CHODL: variants seen among roughly 807,000 people sequenced by gnomAD.
CHODL encodes the protein chondrolectin, also known as transmembrane protein MT75.
A neutral mutation model predicts 34.5 loss-of-function variants in CHODL; 29 were observed. That is an observed-to-expected ratio of 0.84 (90% confidence interval 0.63 to 1.15). CHODL has a LOEUF of 1.15. CHODL is among the 50% of genes most tolerant of loss of function. The probability of loss-of-function intolerance (pLI) is 0.00; values close to 1 mark genes in which losing one functional copy is unlikely to be tolerated. For synonymous variants in CHODL, 125 were observed against 116.1 expected, an observed-to-expected ratio of 1.08 and a Z score of -0.49; for missense variants, 332 against 332.5, an observed-to-expected ratio of 1.00 and a Z score of 0.01.
At chr21:17,959,116 A>G (rs1229335646) in intron 1 of CHODL, among the ~76,000 whole-genome samples, 2 of 152,186 alleles carry the variant, frequency 1.3e-5, no homozygotes, top group Non-Finnish European at 2.9e-5. Flanking sequence ...GAAGGTACAT[A>G]GTTCACAAAA....
chr21:18,220,933 C>G (rs1180833372), intron 2 of CHODL, among the ~76,000 whole-genome samples: 5 of 152,038 alleles, frequency 3.3e-5, no homozygotes, highest in Non-Finnish European at 5.9e-5. Context: ...ATGTCAATAT[C>G]TCTTGCAAGA....
At chr21:18,092,023 A>T (rs1360045488) in intron 2 of CHODL, among the ~76,000 whole-genome samples, 1 of 152,066 alleles carries the variant, frequency 6.6e-6, no homozygotes, top group African/African-American at 2.4e-5. Context: ...GCCCTGGGGG[A>T]AATTGCCATC....
At chr21:18,041,596 A>G (rs1050904183) in intron 2 of CHODL, among the ~76,000 whole-genome samples, 2 of 151,956 alleles carry the variant, frequency 1.3e-5, no homozygotes, top group Non-Finnish European at 2.9e-5. Context: ...TCTAAGCACA[A>G]TATATGATTA....
At chr21:18,028,627 A>T (rs2064211193) in intron 2 of CHODL, among the ~76,000 whole-genome samples, 1 of 143,654 alleles carries the variant, frequency 7.0e-6, no homozygotes, top group African/African-American at 2.6e-5. Flanking sequence ...TGAACCTGGG[A>T]GGCGGAGGTT....
intron 2 of CHODL, among the ~76,000 whole-genome samples, chr21:18,105,085 A>G (rs990764995): frequency 1.3e-5 from 2 of 152,190 alleles, no homozygotes; most frequent in African/African-American, 4.8e-5. Context: ...AAGGGTAGAT[A>G]TTTTTTCTCC....
intron 1 of CHODL, among the ~76,000 whole-genome samples, chr21:17,992,715 G>GTTTTTTTTTTTTTTTT (rs1237074983): frequency 6.3e-5 from 2 of 31,510 alleles, no homozygotes; most frequent in Non-Finnish European, 7.4e-5. Flanking sequence ...TTCTGGTGGA[G>GTTTTTTTTTTTTTTTT]TTGTTTTTTT....
chr21:18,210,921 T>C (rs1385568186), intron 2 of CHODL, among the ~76,000 whole-genome samples: 1 of 152,056 alleles, frequency 6.6e-6, no homozygotes, highest in Non-Finnish European at 1.5e-5. Flanking sequence ...GCCTTCAAAG[T>C]TTACACTGTT....
At chr21:18,075,281 T>C (rs1349433045) in intron 2 of CHODL, among the ~76,000 whole-genome samples, 1 of 152,218 alleles carries the variant, frequency 6.6e-6, no homozygotes, top group African/African-American at 2.4e-5. Flanking sequence ...TTTGCCAACC[T>C]CTGAAAATGC....
intron 2 of CHODL, among the ~76,000 whole-genome samples, chr21:18,068,863 C>T (rs1482914191): frequency 1.3e-5 from 2 of 151,626 alleles, no homozygotes; most frequent in African/African-American, 4.8e-5. Flanking sequence ...ACTTTATTCG[C>T]AAGTTAATCT....
chr21:17,934,141 T>C (rs898061462), intron 1 of CHODL, among the ~76,000 whole-genome samples: 3 of 151,650 alleles, frequency 2.0e-5, no homozygotes, highest in African/African-American at 7.3e-5. Flanking sequence ...TGTTCACTGA[T>C]TAGGTAATGG....
At chr21:18,240,557 C>T (rs990813886), upstream of CHODL, among the ~76,000 whole-genome samples, 4 of 152,058 alleles carry the variant, frequency 2.6e-5, no homozygotes, top group African/African-American at 9.7e-5. Flanking sequence ...ACCCTTGAGG[C>T]AAAGATGACT....
At chr21:17,962,457 T>A (rs112690536) in intron 1 of CHODL, among the ~76,000 whole-genome samples, 63 of 152,250 alleles carry the variant, frequency 4.1e-4, no homozygotes, top group African/African-American at 1.4e-3. Context: ...TGAAACAGAT[T>A]CTCTTGAGTT....
chr21:18,087,997 G>A (rs148055359), intron 2 of CHODL, among the ~76,000 whole-genome samples: 132 of 152,236 alleles, frequency 8.7e-4, no homozygotes, highest in Middle Eastern at 3.4e-3. Flanking sequence ...GAGGACAAGC[G>A]AAGGGGGAAG....
intron 1 of CHODL, among the ~76,000 whole-genome samples, chr21:17,962,221 C>A (rs1355749704): frequency 1.3e-5 from 2 of 152,136 alleles, no homozygotes; most frequent in Non-Finnish European, 2.9e-5. Flanking sequence ...AAGATGTAAC[C>A]TAAACTTATC....
intron 2 of CHODL, among the ~76,000 whole-genome samples, chr21:18,224,247 C>G (rs2073910450): frequency 1.3e-5 from 2 of 152,122 alleles, no homozygotes; most frequent in African/African-American, 2.4e-5. Context: ...CAGACACTTT[C>G]TGAGCCACTG....
At chr21:18,220,068 T>G (rs2073867417) in intron 2 of CHODL, among the ~76,000 whole-genome samples, 3 of 152,246 alleles carry the variant, frequency 2.0e-5, no homozygotes, top group Admixed American at 6.5e-5. Context: ...GCTTCAGGTC[T>G]TACATTTAAG....
intron 2 of CHODL, among the ~76,000 whole-genome samples, chr21:18,029,900 C>T (rs1216187056): frequency 6.6e-6 from 1 of 152,070 alleles, no homozygotes; most frequent in Non-Finnish European, 1.5e-5. Context: ...GCATTGCAGC[C>T]ACATCATCTC....
intron 1 of CHODL, among the ~76,000 whole-genome samples, chr21:18,005,811 G>A (rs157752): frequency 0.034 from 5,164 of 152,162 alleles, 267 homozygotes; most frequent in African/African-American, 0.12. Context: ...GGGGGAAACA[G>A]CACACACTGG....
At chr21:18,006,203 T>C (rs1169068834) in intron 1 of CHODL, among the ~76,000 whole-genome samples, 1 of 152,094 alleles carries the variant, frequency 6.6e-6, no homozygotes, top group African/African-American at 2.4e-5. Flanking sequence ...CCTTTGTAAA[T>C]TGCCCAGCCT....
Sources: gnomAD v4.1 joint callset for allele counts (sites outside exome capture counted in the v4.1 genomes callset) on GRCh38, gnomAD v4.1.1 for gene constraint, MANE v1.5 for transcripts, NCBI Gene and HGNC (gene_info 2026-07-23, HGNC 2026-07-21) for gene names.